Variants in OSBPL9 observed in about 807,000 individuals in gnomAD.
OSBPL9 encodes oxysterol binding protein like 9, also known as oxysterol-binding protein-related protein 9.
A neutral mutation model predicts 106.6 loss-of-function variants in OSBPL9; 40 were observed. The ratio of observed to expected loss-of-function variants is 0.38; its 90% CI spans 0.29 to 0.49. The LOEUF (loss-of-function observed/expected upper bound fraction) is 0.49, where lower values mean the gene tolerates loss of function less well. Ranked by LOEUF, OSBPL9 falls within the 20% of genes least tolerant of loss-of-function variation. The pLI, the probability that OSBPL9 is intolerant of heterozygous loss-of-function variation, is 0.97. For missense variants in OSBPL9, 609 were observed against 887.2 expected (o/e 0.69, Z 3.98); for synonymous variants, 269 against 295.4 (o/e 0.91, Z 0.92).
chr1:51,742,988 C>T (rs1311221390), intron 4 of OSBPL9, among the ~76,000 whole-genome samples: 2 of 152,078 alleles, frequency 1.3e-5, no homozygotes, highest in East Asian at 3.9e-4. Flanking sequence ...CTGTAAGTCA[C>T]AATATAAAGT....
At chr1:51,556,141 C>A in the OSBPL9 span, among the ~76,000 whole-genome samples, 1 of 152,002 alleles carries the variant, frequency 6.6e-6, no homozygotes, top group Admixed American at 6.6e-5. Context: ...AATAATAACT[C>A]CCTGACAGTA....
At chr1:51,585,927 C>T (rs533549582) in intron 1 of OSBPL9, among the ~76,000 whole-genome samples, 2 of 151,416 alleles carry the variant, frequency 1.3e-5, no homozygotes, top group East Asian at 1.9e-4. Context: ...AATCCCAGCA[C>T]TTTGGGAGGC....
intron 3 of OSBPL9, among the ~76,000 whole-genome samples, chr1:51,694,655 C>A (rs563827330): frequency 2.0e-5 from 3 of 151,950 alleles, no homozygotes; most frequent in Non-Finnish European, 4.4e-5. Flanking sequence ...TAACATCATG[C>A]GTTGGTTATT....
intron 9 of OSBPL9, 49 bp from the exon 10 acceptor site, chr1:51,760,641 G>T: frequency 6.2e-7 from 1 of 1,610,856 alleles, no homozygotes; most frequent in South Asian, 1.1e-5. Context: ...AGGGTAGCAT[G>T]AGAAGAGCAT....
Position 51,635,331 on chromosome 1 carries a change from T to TGTGAGGTA in OSBPL9, c.112-16659_112-16652dup, listed in dbSNP as rs374491107. Among the ~76,000 whole-genome samples, 338 of 152,198 alleles carry TGTGAGGTA rather than the reference T, an allele frequency of 2.2e-3. 3 individuals carry two copies. Among genetic ancestry groups the TGTGAGGTA allele is most frequent in the African/African-American group, 8.0e-3 (330 of 41,508 alleles). ...TGTCAGAACTTTGGTCTCCTTTTCCTGTGAGGTAATCTTCCTAGATTAGAT... is the reference window on the plus strand; with the variant it reads ...TGTCAGAACTTTGGTCTCCTTTTCCTGTGAGGTAGTGAGGTAATCTTCCTAGATTAGAT... On this transcript the variant is annotated intron_variant, in intron 1 of 23. Coordinates refer to ENST00000428468, the MANE Select transcript of OSBPL9 (RefSeq NM_024586.6).
At chr1:51,758,300 G>A (rs1267200963) in intron 9 of OSBPL9, among the ~76,000 whole-genome samples, 1 of 151,970 alleles carries the variant, frequency 6.6e-6, no homozygotes, top group Non-Finnish European at 1.5e-5. Flanking sequence ...GGTTTTGTAA[G>A]GTGAGAACTG....
intron 1 of OSBPL9, 144 bp from the exon 2 acceptor site, chr1:51,651,847 C>G (rs1042261930): frequency 4.8e-6 from 3 of 622,080 alleles, no homozygotes; most frequent in Non-Finnish European, 5.7e-6. Flanking sequence ...TTTTCCTATC[C>G]ATAAGTAATT....
At chr1:51,666,419 T>A (rs1047908409) in intron 2 of OSBPL9, among the ~76,000 whole-genome samples, 6 of 152,064 alleles carry the variant, frequency 3.9e-5, no homozygotes, top group Non-Finnish European at 7.3e-5. Flanking sequence ...TTGGTGTTTT[T>A]AAAAATTTAA....
chr1:51,669,580 T>C (rs878891394), intron 3 of OSBPL9, 68 bp downstream of exon 3: 2 of 1,489,828 alleles, frequency 1.3e-6, no homozygotes, highest in South Asian at 2.3e-5. Context: ...TTTTGGGTTG[T>C]TTGCTGGATG....
At chr1:51,656,722 C>T (rs1165782643) in intron 2 of OSBPL9, among the ~76,000 whole-genome samples, 1 of 150,996 alleles carries the variant, frequency 6.6e-6, no homozygotes, top group Admixed American at 6.6e-5. Flanking sequence ...TGCAATGGTG[C>T]GATTATAGCT....
At chr1:51,623,940 C>T (rs372261204) in intron 1 of OSBPL9, among the ~76,000 whole-genome samples, 31 of 146,596 alleles carry the variant, frequency 2.1e-4, no homozygotes, top group African/African-American at 5.3e-4. Flanking sequence ...TTTTTTTTGT[C>T]GGAGTCTCGC....
At chr1:51,612,673 G>C (rs1205713101), upstream of OSBPL9, among the ~76,000 whole-genome samples, 1 of 152,236 alleles carries the variant, frequency 6.6e-6, no homozygotes, top group Non-Finnish European at 1.5e-5. Flanking sequence ...TTTGACATTT[G>C]AAGCTAAGTA....
chr1:51,658,576 C>G (rs1440467168), intron 2 of OSBPL9, among the ~76,000 whole-genome samples: 1 of 152,048 alleles, frequency 6.6e-6, no homozygotes, highest in Admixed American at 6.5e-5. Flanking sequence ...CTAAGTATTC[C>G]ATTTACCTGT....
intron 2 of OSBPL9, among the ~76,000 whole-genome samples, chr1:51,656,171 ACT>A (rs1646801329): frequency 6.6e-6 from 1 of 152,030 alleles, no homozygotes; most frequent in African/African-American, 2.4e-5. Context: ...TCCCTTACTG[ACT>A]CTGACATTGG....
At chr1:51,573,173 C>A (rs911271169), upstream of OSBPL9, among the ~76,000 whole-genome samples, 8 of 147,004 alleles carry the variant, frequency 5.4e-5, no homozygotes, top group African/African-American at 2.0e-4. Flanking sequence ...GATTGTGCCA[C>A]TACACTCCAG....
intron 3 of OSBPL9, among the ~76,000 whole-genome samples, chr1:51,702,585 T>C (rs142815813): frequency 0.023 from 3,558 of 152,324 alleles, 108 homozygotes; most frequent in East Asian, 0.11. Flanking sequence ...TTTCTCCCAT[T>C]CTGTAGGTTG....
intron 1 of OSBPL9, among the ~76,000 whole-genome samples, chr1:51,636,152 G>GT (rs35303378): frequency 0.026 from 1,697 of 64,132 alleles, 202 homozygotes; most frequent in Non-Finnish European, 0.04. Context: ...TCTCTCTCTT[G>GT]TTTTTTTTTT....
intron 11 of OSBPL9, 152 bp downstream of exon 11, chr1:51,762,123 G>A: frequency 1.8e-6 from 1 of 562,652 alleles, no homozygotes; most frequent in Non-Finnish European, 3.2e-6. Flanking sequence ...TTCCATACAT[G>A]AAGTGGTTAG....
chr1:51,591,197 C>T (rs1262139801), intron 1 of OSBPL9, among the ~76,000 whole-genome samples: 1 of 151,308 alleles, frequency 6.6e-6, no homozygotes, highest in Non-Finnish European at 1.5e-5. Flanking sequence ...GGATTACAGG[C>T]GTGAGCCACC....
Sources: allele counts gnomAD v4.1 joint callset (sites outside exome capture counted in the v4.1 genomes callset), GRCh38; gene constraint gnomAD v4.1.1; transcripts MANE v1.5; gene names NCBI Gene and HGNC (gene_info 2026-07-23, HGNC 2026-07-21).